The following PTCHD1 variants were observed in gnomAD, a reference collection of about 807,000 sequenced individuals.
The protein encoded by PTCHD1 is patched domain-containing protein 1.
PTCHD1 carries 3 observed loss-of-function variants against 34.6 expected under a neutral mutation model. The observed-to-expected ratio is 0.09, with a 90% CI of 0.04 to 0.22. The LOEUF is 0.22. PTCHD1 is among the 10% of genes least tolerant of loss of function. PTCHD1 has a pLI of 1.00. For synonymous variants in PTCHD1, 305 were observed against 283.1 expected, an observed-to-expected ratio of 1.08 and a Z score of -0.77; for missense variants, 504 against 685.5, an observed-to-expected ratio of 0.74 and a Z score of 2.96.
At chrX:23,360,201 G>A (rs1304316218) in intron 1 of PTCHD1, among the ~76,000 whole-genome samples, 1 of 111,805 alleles carries the variant, frequency 8.9e-6, no homozygotes, top group Non-Finnish European at 1.9e-5. Context: ...TTCATTGACT[G>A]GAATAGTTTC....
chrX:23,354,588 T>G (rs1304634792), intron 1 of PTCHD1, among the ~76,000 whole-genome samples: 1 of 104,800 alleles, frequency 9.5e-6, no homozygotes, highest in African/African-American at 3.4e-5. Context: ...TTTTTTTTTT[T>G]TTGAGACGGA....
At chrX:23,334,765 T>TCGCCGCCGCCGCGGGCGCCGCTGC (rs1307414071), upstream of PTCHD1, 3 of 165,281 alleles carry the variant, frequency 1.8e-5, no homozygotes, top group African/African-American at 6.9e-5. Context: ...GCCGCCGCCG[T>TCGCCGCCGCCGCGGGCGCCGCTGC]CGCCGCCGCC....
intron 2 of PTCHD1, among the ~76,000 whole-genome samples, chrX:23,390,752 G>T (rs1036337534): frequency 2.7e-5 from 3 of 111,829 alleles, no homozygotes; most frequent in African/African-American, 9.8e-5. Flanking sequence ...ATGAGGCCAG[G>T]ACTTCACAAT....
chrX:23,334,838 T>G, upstream of PTCHD1: 1 of 974,839 alleles, frequency 1.0e-6, no homozygotes. Flanking sequence ...GCGCCGAGCG[T>G]GCGCCTCGCC....
At chrX:23,337,198 A>C in intron 1 of PTCHD1, among the ~76,000 whole-genome samples, 1 of 112,340 alleles carries the variant, frequency 8.9e-6, no homozygotes, top group East Asian at 2.8e-4. Context: ...GGGCAACTTT[A>C]AAGGACAATG....
chrX:23,359,080 G>A (rs775674792), intron 1 of PTCHD1, among the ~76,000 whole-genome samples: 3 of 112,299 alleles, frequency 2.7e-5, no homozygotes, highest in Non-Finnish European at 3.8e-5. Flanking sequence ...GTCAGTTAGC[G>A]TGATGCCTCC....
intron 1 of PTCHD1, among the ~76,000 whole-genome samples, chrX:23,362,145 G>C (rs762658387): frequency 1.8e-5 from 2 of 111,763 alleles, no homozygotes; most frequent in South Asian, 7.5e-4. Context: ...TGCTCTTCTT[G>C]AGGAGTATCT....
intron 1 of PTCHD1, among the ~76,000 whole-genome samples, chrX:23,355,701 C>G: frequency 8.9e-6 from 1 of 112,223 alleles, no homozygotes; most frequent in Non-Finnish European, 1.9e-5. Context: ...TAAGTGAACC[C>G]AAACGTAGTT....
chrX:23,386,256 G>A (rs1308917654), intron 2 of PTCHD1, among the ~76,000 whole-genome samples: 1 of 111,566 alleles, frequency 9.0e-6, no homozygotes, highest in Non-Finnish European at 1.9e-5. Context: ...AGAGCTATAA[G>A]CAAATTCATT....
chrX:23,370,852 G>A (rs769963635), intron 1 of PTCHD1, among the ~76,000 whole-genome samples: 24 of 111,617 alleles, frequency 2.2e-4, no homozygotes, highest in Admixed American at 1.8e-3. Context: ...CGACGGGAAT[G>A]AGAAGATTTC....
intron 2 of PTCHD1, among the ~76,000 whole-genome samples, chrX:23,390,324 C>T (rs1344249445): frequency 9.9e-6 from 1 of 101,503 alleles, no homozygotes; most frequent in East Asian, 3.0e-4. Context: ...TCTACATGGC[C>T]CCAGGAAAAA....
intron 1 of PTCHD1, among the ~76,000 whole-genome samples, chrX:23,374,739 A>C (rs1242857080): frequency 9.0e-6 from 1 of 111,421 alleles, no homozygotes; most frequent in Non-Finnish European, 1.9e-5. Context: ...AATAATGTTC[A>C]ATTTGATATT....
intron 1 of PTCHD1, among the ~76,000 whole-genome samples, chrX:23,365,151 C>G (rs1196159158): frequency 8.9e-6 from 1 of 111,781 alleles, no homozygotes; most frequent in Non-Finnish European, 1.9e-5. Context: ...TTGTTTGGGC[C>G]ACTTGGAGAA....
chrX:23,373,402 G>A (rs1475612321), intron 1 of PTCHD1, among the ~76,000 whole-genome samples: 1 of 112,889 alleles, frequency 8.9e-6, no homozygotes, highest in Non-Finnish European at 1.9e-5. Flanking sequence ...ATGGCACCAG[G>A]CACACATGTG....
intron 1 of PTCHD1, among the ~76,000 whole-genome samples, chrX:23,369,848 CCCTT>C (rs1282132260): frequency 8.9e-6 from 1 of 111,753 alleles, no homozygotes; most frequent in African/African-American, 3.3e-5. Flanking sequence ...CCCAGCTGTT[CCCTT>C]CAAATATTTG....
At chrX:23,383,919 T>G (rs1922624438) in intron 2 of PTCHD1, among the ~76,000 whole-genome samples, 1 of 112,569 alleles carries the variant, frequency 8.9e-6, no homozygotes, top group Admixed American at 9.4e-5. Context: ...CTAATTATTT[T>G]AATCTGTGAT....
At position 23,393,660 on chromosome X, in the gene PTCHD1, G is replaced by A. The variant is rs1428356604; in HGVS notation, c.2142G>A (p.Ser714=). Residue 714 remains serine (S), a synonymous_variant, in exon 3 of 3, where the codon TCG becomes TCA. Transcript: ENST00000379361. ...CISALFLLFF[S]AFLVADSLIN... Reference sequence around the variant, plus strand: ...GTGCTTTGTTCCTGCTCTTCTTCTCGGCATTCCTGGTGGCAGATTCACTGA... The same window carrying A: ...GTGCTTTGTTCCTGCTCTTCTTCTCAGCATTCCTGGTGGCAGATTCACTGA... 18 of 1,209,983 alleles carry A rather than the reference G, an allele frequency of 1.5e-5. No individual in the cohort carries two copies. Among genetic ancestry groups the A allele is most frequent in the South Asian group, 1.4e-4 (8 of 56,772 alleles).
chrX:23,350,990 CAT>C, intron 1 of PTCHD1: 2 of 271,906 alleles, frequency 7.4e-6, no homozygotes, highest in South Asian at 1.4e-4. Flanking sequence ...AAATGGAATC[CAT>C]ATTTTCATGG....
intron 1 of PTCHD1, among the ~76,000 whole-genome samples, chrX:23,349,217 T>TA (rs967404301): frequency 8.5e-5 from 9 of 106,263 alleles, no homozygotes; most frequent in Non-Finnish European, 1.8e-4. Flanking sequence ...AAAGAGGAGG[T>TA]AAAAAAAACA....
Sources: allele counts gnomAD v4.1 joint callset (sites outside exome capture counted in the v4.1 genomes callset), GRCh38; gene constraint gnomAD v4.1.1; transcripts MANE v1.5; gene names NCBI Gene and HGNC (gene_info 2026-07-23, HGNC 2026-07-21).